The following SCIN variants were observed in gnomAD, a reference collection of about 807,000 sequenced individuals.
The protein encoded by SCIN is adseverin.
In SCIN, 91 loss-of-function variants were observed where a neutral mutation model predicts 91.8. The ratio of observed to expected loss-of-function variants is 0.99; its 90% confidence interval spans 0.84 to 1.18. The LOEUF (loss-of-function observed/expected upper bound fraction) is 1.18, where lower values mean the gene tolerates loss of function less well. SCIN is among the 50% of genes most tolerant of loss of function. The pLI, the probability that SCIN is intolerant of heterozygous loss-of-function variation, is 0.00. For missense variants in SCIN, 1,087 were observed against 863.9 expected, an observed-to-expected ratio of 1.26 and a Z score of -3.24; for synonymous variants, 367 against 312.6, an observed-to-expected ratio of 1.17 and a Z score of -1.84.
Position 12,639,137 on chromosome 7 carries a change from T to C in SCIN, c.1411-1210T>C, listed in dbSNP as rs542213239. Among the ~76,000 whole-genome samples, 3 of 152,346 alleles carry C rather than the reference T, an allele frequency of 2.0e-5. No homozygotes were observed. In the East Asian group the frequency reaches 5.8e-4, roughly 29 times the overall value. On this transcript the variant is annotated intron_variant, in intron 10 of 15. Coordinates refer to ENST00000297029, the MANE Select transcript of SCIN (RefSeq NM_001112706.3). ...TAGAATATATTAACCATATTGAACA[T>C]ATTTTAATCAGCCTTTTTTCTTTCT... is the stretch of plus-strand genomic sequence containing the variant.
intron 11 of SCIN, 73 bp from the exon 12 acceptor site, chr7:12,644,065 A>T: frequency 7.2e-7 from 1 of 1,381,270 alleles, no homozygotes; most frequent in Non-Finnish European, 1.0e-6. Flanking sequence ...CCACAGTCAC[A>T]GCTTCTGGGA....
chr7:12,612,237 C>T (rs745993123), intron 4 of SCIN, among the ~76,000 whole-genome samples: 33 of 152,090 alleles, frequency 2.2e-4, no homozygotes, highest in Non-Finnish European at 4.4e-5. Flanking sequence ...TTGTGCCTGA[C>T]ACATAGGCAC....
chr7:12,594,742 G>A (rs1426625557), intron 3 of SCIN, among the ~76,000 whole-genome samples: 3 of 152,104 alleles, frequency 2.0e-5, no homozygotes, highest in East Asian at 1.9e-4. Flanking sequence ...GAGAGAGGGC[G>A]GCGCCTGTCT....
At chr7:12,649,102 T>C (rs1184730142) in intron 13 of SCIN, among the ~76,000 whole-genome samples, 1 of 152,184 alleles carries the variant, frequency 6.6e-6, no homozygotes, top group Non-Finnish European at 1.5e-5. Flanking sequence ...CTCTTTGGTC[T>C]TCCTAATTAT....
In SCIN at chr7:12,570,865, C is replaced by A. The variant is rs776973589; in HGVS notation, c.79C>A (p.Leu27Met). The A allele has an allele frequency of 6.4e-7, 1 of 1,551,636 alleles. No homozygotes were observed. Among genetic ancestry groups the A allele is most frequent in the Non-Finnish European group, 8.7e-7 (1 of 1,146,984 alleles). The part of the protein sequence containing the change: ...AGLQVWRIEK[L>M]ELVPVPQSAH... ...GCTGCAGGTCTGGAGGATTGAGAAG[C>A]TGGAGCTGGTGCCCGTGCCCCAGAG... The change falls in exon 1 of 16, where the codon CTG becomes ATG. Residue 27 changes from leucine to methionine, a missense_variant. Leu to Met is a conservative substitution (Grantham distance 15). Coordinates refer to ENST00000297029, the MANE Select transcript of SCIN (RefSeq NM_001112706.3).
At chr7:12,597,933 T>C (rs568641610) in intron 3 of SCIN, among the ~76,000 whole-genome samples, 1 of 152,338 alleles carries the variant, frequency 6.6e-6, no homozygotes, top group African/African-American at 2.4e-5. Context: ...CATTCCAAAT[T>C]ATTTATAAAT....
At chr7:12,618,820 G>T (rs193161342) in intron 4 of SCIN, among the ~76,000 whole-genome samples, 43 of 152,216 alleles carry the variant, frequency 2.8e-4, no homozygotes, top group African/African-American at 1.0e-3. Flanking sequence ...AAATTAAAAT[G>T]TTCATTCTTG....
intron 4 of SCIN, among the ~76,000 whole-genome samples, chr7:12,606,882 T>C (rs1446167316): frequency 6.6e-6 from 1 of 152,256 alleles, no homozygotes; most frequent in Non-Finnish European, 1.5e-5. Flanking sequence ...AATCAGACTT[T>C]GAAAAGTATT....
At chr7:12,644,731 T>C (rs1783925554) in intron 13 of SCIN, 26 bp downstream of exon 13, 1 of 1,547,200 alleles carries the variant, frequency 6.5e-7, no homozygotes, top group Non-Finnish European at 8.7e-7. Context: ...AATAGTGCGA[T>C]AGGGCTGGTT....
chr7:12,575,239 C>CT (rs545984242), intron 1 of SCIN, among the ~76,000 whole-genome samples: 1,747 of 136,892 alleles, frequency 0.013, 19 homozygotes, highest in African/African-American at 0.03. Flanking sequence ...GGAGAGTTTT[C>CT]TTTTTTTTTT....
intron 4 of SCIN, among the ~76,000 whole-genome samples, chr7:12,613,767 A>G (rs1256928745): frequency 2.6e-4 from 39 of 152,170 alleles, no homozygotes. Flanking sequence ...ATGTTTATTT[A>G]AAGGCTTTAA....
intron 3 of SCIN, among the ~76,000 whole-genome samples, chr7:12,595,015 T>G (rs1420798525): frequency 1.3e-5 from 2 of 151,282 alleles, no homozygotes; most frequent in Non-Finnish European, 2.9e-5. Flanking sequence ...GAAGGGGAGG[T>G]TGGCTGGGTA....
chr7:12,631,017 A>G (rs1282949014), intron 9 of SCIN, among the ~76,000 whole-genome samples: 3 of 152,226 alleles, frequency 2.0e-5, no homozygotes, highest in Non-Finnish European at 4.4e-5. Context: ...TATGAAAAAC[A>G]TAATTGATTG....
chr7:12,623,149 A>G (rs1783444615), intron 5 of SCIN, among the ~76,000 whole-genome samples: 1 of 152,196 alleles, frequency 6.6e-6, no homozygotes, highest in African/African-American at 2.4e-5. Flanking sequence ...TTGTTGCTGT[A>G]CTAGTTTGCA....
At chr7:12,581,657 G>A (rs140826451) in intron 3 of SCIN, among the ~76,000 whole-genome samples, 11 of 152,214 alleles carry the variant, frequency 7.2e-5, no homozygotes, top group Non-Finnish European at 1.5e-4. Flanking sequence ...TTTGATGTAC[G>A]TATATACACA....
intron 4 of SCIN, among the ~76,000 whole-genome samples, chr7:12,608,733 T>C (rs1783132406): frequency 2.0e-5 from 3 of 152,180 alleles, no homozygotes; most frequent in Admixed American, 2.0e-4. Flanking sequence ...GGCCTTGGCC[T>C]TCCAAAGTGC....
chr7:12,594,213 G>C (rs1404890889), intron 3 of SCIN, among the ~76,000 whole-genome samples: 1 of 151,972 alleles, frequency 6.6e-6, no homozygotes, highest in Non-Finnish European at 1.5e-5. Context: ...GCCGGAGCAG[G>C]GACATACGGT....
chr7:12,652,568 G>T lies in SCIN; in HGVS notation c.2021-20G>T, dbSNP rs775467265. 1.9e-5 allele frequency: 30 copies of T among 1,609,446 alleles called. No individual in the cohort carries two copies. The Admixed American group carries it at 2.7e-4, about 14-fold the overall frequency. On this transcript the variant is annotated intron_variant, in intron 15 of 15. Coordinates refer to ENST00000297029, the MANE Select transcript of SCIN (RefSeq NM_001112706.3). ...TAACCCAAACTAACTGAATTTATATGTCTTTACAACTTTTTTTAGCCAAAA... is the reference window on the plus strand; with the variant it reads ...TAACCCAAACTAACTGAATTTATATTTCTTTACAACTTTTTTTAGCCAAAA...
chr7:12,594,734 G>T (rs1782802640), intron 3 of SCIN, among the ~76,000 whole-genome samples: 2 of 152,148 alleles, frequency 1.3e-5, no homozygotes. Context: ...ACAAAGACGA[G>T]AGAGGGCGGC....
Sources: allele counts gnomAD v4.1 joint callset (sites outside exome capture counted in the v4.1 genomes callset), GRCh38; gene constraint gnomAD v4.1.1; transcripts MANE v1.5; gene names NCBI Gene and HGNC (gene_info 2026-07-23, HGNC 2026-07-21).